The following C10orf90 variants were observed in gnomAD, a reference collection of about 807,000 sequenced individuals.
C10orf90 encodes the protein chromosome 10 open reading frame 90.
C10orf90 carries 56 observed loss-of-function variants against 62.5 expected under a neutral mutation model. The observed-to-expected ratio is 0.90, with a 90% confidence interval of 0.72 to 1.12. C10orf90 has a LOEUF of 1.12. C10orf90 is among the 50% of genes most tolerant of loss of function. The probability of loss-of-function intolerance (pLI) is 0.00; values close to 1 mark genes in which losing one functional copy is unlikely to be tolerated. For synonymous variants in C10orf90, 386 were observed against 340.4 expected (o/e 1.13, Z -1.47); for missense variants, 970 against 880.4 (o/e 1.10, Z -1.29).
At chr10:126,580,526 G>A (rs7914860) in intron 2 of C10orf90, among the ~76,000 whole-genome samples, 89,929 of 151,302 alleles carry the variant, frequency 0.59, 27,106 homozygotes, top group African/African-American at 0.69. Context: ...AGTGGTGGGC[G>A]CCTGTAGTCC....
At chr10:126,509,902 G>T (rs1276493156) in intron 3 of C10orf90, among the ~76,000 whole-genome samples, 1 of 152,148 alleles carries the variant, frequency 6.6e-6, no homozygotes, top group Non-Finnish European at 1.5e-5. Flanking sequence ...CACACTGTGT[G>T]ACTTAAACAA....
chr10:126,510,422 C>T (rs1863033532), intron 3 of C10orf90, among the ~76,000 whole-genome samples: 2 of 152,204 alleles, frequency 1.3e-5, no homozygotes, highest in Admixed American at 6.5e-5. Flanking sequence ...TAAGCTGTTT[C>T]AGGGTGACAT....
At chr10:126,505,882 A>G (rs1357339126) in intron 3 of C10orf90, among the ~76,000 whole-genome samples, 4 of 152,318 alleles carry the variant, frequency 2.6e-5, no homozygotes, top group African/African-American at 9.6e-5. Context: ...TGAACTCAGG[A>G]GGCGGAAGTT....
intron 1 of C10orf90, among the ~76,000 whole-genome samples, chr10:126,664,954 T>C (rs1028697756): frequency 1.3e-5 from 2 of 152,196 alleles, no homozygotes; most frequent in Non-Finnish European, 2.9e-5. Flanking sequence ...GCCATTTCAT[T>C]TCCCTCTTGG....
chr10:126,507,081 G>C (rs1487634159), intron 3 of C10orf90, among the ~76,000 whole-genome samples: 2 of 152,100 alleles, frequency 1.3e-5, no homozygotes, highest in Non-Finnish European at 2.9e-5. Flanking sequence ...CATGGGGCTG[G>C]GTGCGGTGGC....
At chr10:126,587,060 G>A (rs190923428) in intron 2 of C10orf90, among the ~76,000 whole-genome samples, 1 of 152,274 alleles carries the variant, frequency 6.6e-6, no homozygotes, top group African/African-American at 2.4e-5. Context: ...GCTGAAGAGG[G>A]GCTGGCTCTG....
chr10:126,564,110 C>T (rs965103705), intron 2 of C10orf90, among the ~76,000 whole-genome samples: 1 of 152,114 alleles, frequency 6.6e-6, no homozygotes, highest in African/African-American at 2.4e-5. Flanking sequence ...TATCTGTCTG[C>T]TTGGGGAGAC....
At chr10:126,532,660 AC>A (rs1393700222) in intron 2 of C10orf90, among the ~76,000 whole-genome samples, 2 of 150,364 alleles carry the variant, frequency 1.3e-5, no homozygotes, top group Non-Finnish European at 3.0e-5. Flanking sequence ...ACACGGTGAA[AC>A]CCCGTCTCTA....
intron 4 of C10orf90, among the ~76,000 whole-genome samples, chr10:126,467,685 C>A (rs13328738): frequency 0.31 from 46,608 of 151,996 alleles, 7,237 homozygotes; most frequent in African/African-American, 0.34. Flanking sequence ...CCTTTTCCCA[C>A]ATTGGTTGAC....
intron 4 of C10orf90, chr10:126,502,547 C>T (rs1442211880): frequency 5.4e-6 from 1 of 184,670 alleles, no homozygotes; most frequent in African/African-American, 2.4e-5. Flanking sequence ...TTGCTGCCCT[C>T]CTCTGAGATG....
chr10:126,608,357 C>T (rs903705831), intron 2 of C10orf90, among the ~76,000 whole-genome samples: 2 of 152,156 alleles, frequency 1.3e-5, no homozygotes, highest in East Asian at 3.9e-4. Context: ...AGCGATCTTC[C>T]CTCCTCAGCC....
intron 1 of C10orf90, among the ~76,000 whole-genome samples, chr10:126,656,345 G>GTA (rs1846394672): frequency 6.6e-6 from 1 of 152,072 alleles, no homozygotes; most frequent in Admixed American, 6.6e-5. Flanking sequence ...CTCATACACA[G>GTA]CTTACTCAAG....
chr10:126,582,523 T>G (rs1413109278), intron 2 of C10orf90, among the ~76,000 whole-genome samples: 1 of 152,212 alleles, frequency 6.6e-6, no homozygotes, highest in African/African-American at 2.4e-5. Flanking sequence ...GGCTGTGATC[T>G]TGGGGAACGG....
chr10:126,626,564 C>T (rs923821135), intron 2 of C10orf90, among the ~76,000 whole-genome samples: 1 of 152,196 alleles, frequency 6.6e-6, no homozygotes, highest in Non-Finnish European at 1.5e-5. Flanking sequence ...GAGATATGTT[C>T]TTCCAACTTA....
chr10:126,529,830 C>A (rs1453723567), intron 2 of C10orf90, among the ~76,000 whole-genome samples: 2 of 152,194 alleles, frequency 1.3e-5, no homozygotes, highest in Admixed American at 6.5e-5. Flanking sequence ...TACCTAACAT[C>A]TAGCAATTCT....
At chr10:126,563,539 T>G (rs1349185943) in intron 2 of C10orf90, among the ~76,000 whole-genome samples, 3 of 152,136 alleles carry the variant, frequency 2.0e-5, no homozygotes, top group Non-Finnish European at 4.4e-5. Context: ...AGGGTTTGTG[T>G]GAGGATTCAA....
At chr10:126,437,391 C>T (rs367713578) in intron 7 of C10orf90, among the ~76,000 whole-genome samples, 3 of 152,156 alleles carry the variant, frequency 2.0e-5, no homozygotes, top group South Asian at 4.1e-4. Flanking sequence ...ACCAGGTCAT[C>T]GAAATCAGAA....
chr10:126,530,629 G>A (rs777320152), intron 2 of C10orf90, among the ~76,000 whole-genome samples: 11 of 152,028 alleles, frequency 7.2e-5, no homozygotes, highest in African/African-American at 1.2e-4. Context: ...TAGCCTCACT[G>A]GAGACAAGAA....
intron 4 of C10orf90, among the ~76,000 whole-genome samples, chr10:126,495,299 G>A (rs1591009603): frequency 6.6e-6 from 1 of 152,102 alleles, no homozygotes. Context: ...CGAGACGGGT[G>A]GATCACCTGA....
Sources: gnomAD v4.1 joint callset for allele counts (sites outside exome capture counted in the v4.1 genomes callset) on GRCh38, gnomAD v4.1.1 for gene constraint, MANE v1.5 for transcripts, NCBI Gene and HGNC (gene_info 2026-07-23, HGNC 2026-07-21) for gene names.